The following CSMD1 variants were observed in gnomAD, a reference collection of about 807,000 sequenced individuals.
The protein encoded by CSMD1 is CUB and sushi domain-containing protein 1.
In CSMD1, 213 loss-of-function variants were observed where a neutral mutation model predicts 417.5. The ratio of observed to expected loss-of-function variants is 0.51; its 90% CI spans 0.46 to 0.57. The LOEUF (loss-of-function observed/expected upper bound fraction) is 0.57, where lower values mean the gene tolerates loss of function less well. CSMD1 is among the 20% of genes least tolerant of loss of function. CSMD1 has a pLI of 0.00. For synonymous variants in CSMD1, 2,862 were observed against 1,736.8 expected (o/e 1.65, Z -16.11); for missense variants, 6,923 against 4,529.7 (o/e 1.53, Z -15.17).
chr8:3,722,259 G>C (rs1802223840), intron 6 of CSMD1, among the ~76,000 whole-genome samples: 1 of 152,008 alleles, frequency 6.6e-6, no homozygotes, highest in African/African-American at 2.4e-5. Context: ...AGTGAGTCGA[G>C]ATCACACCAC....
chr8:3,241,203 G>A lies in CSMD1; in HGVS notation c.4154-10972C>T, dbSNP rs549492259. On this transcript the variant is annotated intron_variant, in intron 26 of 69. Coordinates refer to ENST00000635120, the MANE Select transcript of CSMD1 (RefSeq NM_033225.6). ...TGTCTCGGCCTAATAAGGGAACTGG[G>A]CAGGTGGGGATAACTAAAAAGGAGT... Among the ~76,000 whole-genome samples the A allele has an allele frequency of 2.2e-3, 328 of 151,664 alleles. 1 individual carries two copies. Among genetic ancestry groups the A allele is most frequent in the Non-Finnish European group, 3.9e-3 (267 of 67,908 alleles).
rs184583520 is a variant in CSMD1 at position 4,165,484 on chromosome 8, G to C, written c.416-133385C>G. On this transcript the variant is annotated intron_variant, in intron 3 of 69. Coordinates refer to ENST00000635120, the MANE Select transcript of CSMD1 (RefSeq NM_033225.6). ...GCAATGGCAGTCATTGCTCACTGTA[G>C]CCTCAAGTGCCCAAGCTCAAGTCAT... 3.0e-3 allele frequency among the ~76,000 whole-genome samples: 459 copies of C among 152,298 alleles called. 2 individuals carry two copies. Among genetic ancestry groups the C allele is most frequent in the Admixed American group, 6.5e-3 (100 of 15,298 alleles).
At chr8:3,971,725 G>A (rs2688353) in intron 5 of CSMD1, among the ~76,000 whole-genome samples, 108,914 of 152,040 alleles carry the variant, frequency 0.72, 39,778 homozygotes, top group East Asian at 0.94. Context: ...TGAGTTTCTC[G>A]TAGACCACCA....
At chr8:4,213,424 G>A (rs1335856099) in intron 3 of CSMD1, among the ~76,000 whole-genome samples, 1 of 152,118 alleles carries the variant, frequency 6.6e-6, no homozygotes, top group Non-Finnish European at 1.5e-5. Context: ...TAGTGCTTAT[G>A]GTAATAGCTA....
At chr8:4,651,467 G>C (rs1426192904) in intron 1 of CSMD1, among the ~76,000 whole-genome samples, 1 of 152,002 alleles carries the variant, frequency 6.6e-6, no homozygotes, top group Non-Finnish European at 1.5e-5. Context: ...TCATATACTG[G>C]TGGGGGGAGG....
At chr8:3,447,358 G>A (rs187966762) in intron 12 of CSMD1, among the ~76,000 whole-genome samples, 1 of 151,958 alleles carries the variant, frequency 6.6e-6, no homozygotes, top group East Asian at 1.9e-4. Flanking sequence ...CAGAAAAAGG[G>A]AAAGGAATGA....
chr8:3,312,286 G>T (rs1910378), intron 23 of CSMD1, among the ~76,000 whole-genome samples: 1 of 152,112 alleles, frequency 6.6e-6, no homozygotes, highest in African/African-American at 2.4e-5. Flanking sequence ...TTATGGCAGC[G>T]TAGTTTTCTC....
At chr8:4,934,494 G>C (rs1041631353) in intron 1 of CSMD1, among the ~76,000 whole-genome samples, 4 of 152,154 alleles carry the variant, frequency 2.6e-5, no homozygotes, top group African/African-American at 9.7e-5. Flanking sequence ...AATACGAAGA[G>C]CTTATCAGAG....
chr8:4,632,712 G>A (rs1390357439), intron 2 of CSMD1, among the ~76,000 whole-genome samples: 2 of 152,188 alleles, frequency 1.3e-5, no homozygotes, highest in South Asian at 4.1e-4. Context: ...AATTGCAGTA[G>A]GTGGCCAGTG....
chr8:3,396,134 G>C (rs1393388895), intron 17 of CSMD1, 60 bp downstream of exon 17: 1 of 1,426,274 alleles, frequency 7.0e-7, no homozygotes, highest in African/African-American at 1.4e-5. Context: ...TAAGAACCCA[G>C]ATCTTTAGTT....
chr8:4,406,057 G>T (rs17336043), intron 3 of CSMD1, among the ~76,000 whole-genome samples: 4 of 152,226 alleles, frequency 2.6e-5, no homozygotes, highest in African/African-American at 9.6e-5. Flanking sequence ...AACAATGCCA[G>T]CAACTTTATT....
intron 3 of CSMD1, among the ~76,000 whole-genome samples, chr8:4,373,136 C>T (rs1318964550): frequency 6.6e-6 from 1 of 152,152 alleles, no homozygotes; most frequent in African/African-American, 2.4e-5. Flanking sequence ...AAACATCAGA[C>T]ACCTCCCTAG....
chr8:3,921,764 ATCT>A (rs1252902889), intron 5 of CSMD1, among the ~76,000 whole-genome samples: 1 of 152,098 alleles, frequency 6.6e-6, no homozygotes, highest in Non-Finnish European at 1.5e-5. Flanking sequence ...TATGAGTGCA[ATCT>A]TCTTTGATTT....
chr8:3,317,093 T>C (rs1287779683), intron 23 of CSMD1, among the ~76,000 whole-genome samples: 1 of 152,018 alleles, frequency 6.6e-6, no homozygotes, highest in Non-Finnish European at 1.5e-5. Context: ...GGGTCTGTGA[T>C]GAAGAGAGGA....
intron 11 of CSMD1, among the ~76,000 whole-genome samples, chr8:3,481,733 G>T (rs1470837958): frequency 6.6e-6 from 1 of 152,162 alleles, no homozygotes; most frequent in Non-Finnish European, 1.5e-5. Flanking sequence ...TCAGAGAGTG[G>T]GTTGATGTGG....
intron 2 of CSMD1, among the ~76,000 whole-genome samples, chr8:4,422,035 G>A (rs1479851643): frequency 6.6e-6 from 1 of 151,956 alleles, no homozygotes; most frequent in Non-Finnish European, 1.5e-5. Context: ...ATGTAAAATT[G>A]GCAACTAAGA....
At chr8:3,282,489 C>T (rs1439797250) in intron 26 of CSMD1, among the ~76,000 whole-genome samples, 1 of 152,156 alleles carries the variant, frequency 6.6e-6, no homozygotes, top group Non-Finnish European at 1.5e-5. Context: ...CAATGAATCA[C>T]AATTCTACCA....
At chr8:4,499,443 G>A (rs543815900) in intron 2 of CSMD1, among the ~76,000 whole-genome samples, 1 of 152,328 alleles carries the variant, frequency 6.6e-6, no homozygotes, top group East Asian at 1.9e-4. Context: ...AGACGAAACT[G>A]CTCTTCCACA....
intron 3 of CSMD1, among the ~76,000 whole-genome samples, chr8:4,155,984 T>A (rs1239888399): frequency 6.6e-6 from 1 of 152,156 alleles, no homozygotes; most frequent in African/African-American, 2.4e-5. Flanking sequence ...AGTCTGCTGA[T>A]AAACATCAAA....
Sources: gnomAD v4.1 joint callset for allele counts (sites outside exome capture counted in the v4.1 genomes callset) on GRCh38, gnomAD v4.1.1 for gene constraint, MANE v1.5 for transcripts, NCBI Gene and HGNC (gene_info 2026-07-23, HGNC 2026-07-21) for gene names.